CXXC5: variants seen among roughly 807,000 people sequenced by gnomAD.
CXXC5 encodes the protein CXXC finger protein 5, also known as CXXC-type zinc finger protein 5.
Under a neutral mutation model 17.6 loss-of-function variants are expected in CXXC5, and 2 were observed. The observed-to-expected ratio is 0.11, with a 90% CI of 0.05 to 0.36. The LOEUF (loss-of-function observed/expected upper bound fraction) is 0.36. CXXC5 is among the 10% of genes least tolerant of loss of function. The pLI is 1.00. For missense variants in CXXC5, 343 were observed against 458.3 expected (o/e 0.75, Z 2.30); for synonymous variants, 171 against 193.0 (o/e 0.89, Z 0.94).
chr5:139,666,495 G>A (rs1051589429), intron 1 of CXXC5, among the ~76,000 whole-genome samples: 8 of 152,218 alleles, frequency 5.3e-5, no homozygotes, highest in Non-Finnish European at 1.0e-4. Flanking sequence ...CTGCAGGAGC[G>A]TGGGCTTTGG....
intron 1 of CXXC5, among the ~76,000 whole-genome samples, chr5:139,671,964 G>C (rs1390893074): frequency 6.6e-6 from 1 of 152,232 alleles, no homozygotes; most frequent in Non-Finnish European, 1.5e-5. Context: ...ATGTCCCTGA[G>C]CCTCAGTTGC....
rs985774768 is a variant in CXXC5, at chr5:139,661,342, G to A, written c.-161+12497G>A. Among the ~76,000 whole-genome samples, 2 of 152,082 alleles carry A rather than the reference G, an allele frequency of 1.3e-5. No homozygotes were observed. Among genetic ancestry groups the A allele is most frequent in the African/African-American group, 2.4e-5 (1 of 41,410 alleles). Reference sequence around the variant, plus strand: ...GAGTGCACACTCACGCACCCCACACGCGGCACACCCAGGCACACACTTAGG... The same window carrying A: ...GAGTGCACACTCACGCACCCCACACACGGCACACCCAGGCACACACTTAGG... On this transcript the variant is annotated intron_variant, in intron 1 of 2. Transcript: ENST00000302517. This position sits in a 1 kb window ranked among gnomAD's most constrained non-coding sequence, Gnocchi z 4.7.
chr5:139,661,890 TGA>T lies in CXXC5; in HGVS notation c.-161+13049_-161+13050del, dbSNP rs1224538935. ...GGGGAGGAGGTCCAAGTATCAGGCA[TGA>T]GAGTGTTAAACCCACTGCCCTCTAG... is the stretch of plus-strand genomic sequence containing the variant. On this transcript the variant is annotated intron_variant, in intron 1 of 2. Transcript: ENST00000302517. The surrounding 1 kb of genome is among the most constrained non-coding windows in gnomAD (Gnocchi z 4.7). Among the ~76,000 whole-genome samples, 1 of 152,204 alleles carries T rather than the reference TGA, an allele frequency of 6.6e-6. No homozygotes were observed. The highest frequency in any genetic ancestry group is 2.4e-5 in the African/African-American group (1 of 41,444).
At chr5:139,653,584 G>A (rs1755325072) in intron 1 of CXXC5, among the ~76,000 whole-genome samples, 1 of 152,130 alleles carries the variant, frequency 6.6e-6, no homozygotes, top group Non-Finnish European at 1.5e-5. Context: ...ACATGGAGCT[G>A]GAACCCCACA....
chr5:139,654,517 T>C (rs563390442), intron 1 of CXXC5, among the ~76,000 whole-genome samples: 16 of 152,302 alleles, frequency 1.1e-4, no homozygotes, highest in African/African-American at 3.8e-4. Flanking sequence ...CTGTATTCAG[T>C]AAACACTGGC....
In CXXC5 at chr5:139,680,803, G is replaced by A. The variant is rs766754071; in HGVS notation, c.280G>A (p.Gly94Ser). Residue 94 changes from glycine to serine, a missense_variant, in exon 2 of 3, where the codon GGC becomes AGC. Physicochemically the swap from Gly to Ser is moderately conservative, Grantham distance 56. Coordinates refer to ENST00000302517, the MANE Select transcript of CXXC5 (RefSeq NM_016463.9). ...SFGSSGGSGG[G>S]SMMGGESADK... ...TGGCAGCAGTGGTGGTAGTGGCGGT[G>A]GCAGCATGATGGGCGGAGAGTCTGC... The A allele has an allele frequency of 1.2e-6, 2 of 1,612,820 alleles. No individual in the cohort carries two copies. The highest frequency in any genetic ancestry group is 2.2e-5 in the East Asian group (1 of 44,898).
At position 139,676,178 on chromosome 5, in the gene CXXC5, C is replaced by T. The variant is rs1271139372; in HGVS notation, c.-160-4186C>T. 7.5e-5 allele frequency among the ~76,000 whole-genome samples: 9 copies of T among 119,976 alleles called. No homozygotes were observed. The Admixed American group carries it at 7.5e-4, about 10-fold the overall frequency. The allele number at this position is 119,976 out of a possible 152,430, so 78.7% of individuals were successfully genotyped here. Reference sequence around the variant, plus strand: ...CTCCTCCCAAGTCCTCCTCCCCTGTCTTCTCCCCACCTCCCCCCAAGCCCT... The same window carrying T: ...CTCCTCCCAAGTCCTCCTCCCCTGTTTTCTCCCCACCTCCCCCCAAGCCCT... On this transcript the variant is annotated intron_variant, in intron 1 of 2. Transcript: ENST00000302517.
At chr5:139,671,879 C>A (rs1756491861) in intron 1 of CXXC5, among the ~76,000 whole-genome samples, 1 of 152,228 alleles carries the variant, frequency 6.6e-6, no homozygotes, top group Non-Finnish European at 1.5e-5. Context: ...GCACCAGGCC[C>A]TGGAGTCACA....
upstream of CXXC5, among the ~76,000 whole-genome samples, chr5:139,647,714 G>A (rs1754945510): frequency 6.6e-6 from 1 of 152,218 alleles, no homozygotes; most frequent in Admixed American, 6.5e-5. Context: ...TGAGGCTGAT[G>A]CCTGCCTGAG....
chr5:139,664,829 C>T (rs997831669), intron 1 of CXXC5, among the ~76,000 whole-genome samples: 11 of 152,200 alleles, frequency 7.2e-5, no homozygotes, highest in Non-Finnish European at 1.5e-4. Flanking sequence ...CTTGCTTGAC[C>T]TTGACCCACA....
rs769072416 is a variant in CXXC5, at chr5:139,659,183, C to G, written c.-161+10338C>G. Among the ~76,000 whole-genome samples, 41 of 152,134 alleles carry G rather than the reference C, an allele frequency of 2.7e-4. 1 individual carries two copies. The highest frequency in any genetic ancestry group is 1.5e-5 in the Non-Finnish European group (1 of 68,000). ...CTGGATGCTGGGGCTAGTGGCAGAT[C>G]GGCTGGGAGGGGAGGATTCCTCTGC... is the stretch of plus-strand genomic sequence containing the variant. On this transcript the variant is annotated intron_variant, in intron 1 of 2. Coordinates refer to ENST00000302517, the MANE Select transcript of CXXC5 (RefSeq NM_016463.9).
chr5:139,648,097 G>C (rs1363571341), upstream of CXXC5: 2 of 151,268 alleles, frequency 1.3e-5, no homozygotes, highest in Non-Finnish European at 3.0e-5. Flanking sequence ...GCGAAGACGG[G>C]GCGCGCAAGG....
Position 139,669,221 on chromosome 5 carries a change from G to A in CXXC5, c.-160-11143G>A, listed in dbSNP as rs893134287. On this transcript the variant is annotated intron_variant, in intron 1 of 2. Coordinates refer to ENST00000302517, the MANE Select transcript of CXXC5 (RefSeq NM_016463.9). ...GAGCGCCATGGCAGTGTCCCCGCCC[G>A]CTCTAAGCGTGAGCTCACACTCAGC... Among the ~76,000 whole-genome samples the A allele has an allele frequency of 4.6e-5, 7 of 152,324 alleles. No homozygotes were observed. The South Asian group carries it at 6.2e-4, about 14-fold the overall frequency.
At chr5:139,674,684 A>G (rs356451) in intron 1 of CXXC5, among the ~76,000 whole-genome samples, 7,948 of 152,322 alleles carry the variant, frequency 0.052, 264 homozygotes, top group South Asian at 0.13. Flanking sequence ...GCAGAATTTT[A>G]TAGTATGTAA....
chr5:139,656,352 C>T (rs1335108099), intron 1 of CXXC5, among the ~76,000 whole-genome samples: 2 of 152,256 alleles, frequency 1.3e-5, no homozygotes, highest in Admixed American at 6.5e-5. Context: ...GTGGGGGCCT[C>T]AGTGGGCTTG....
chr5:139,661,164 G>A lies in CXXC5; in HGVS notation c.-161+12319G>A, dbSNP rs1347841386. 1.3e-5 allele frequency among the ~76,000 whole-genome samples: 2 copies of A among 152,230 alleles called. No individual in the cohort carries two copies. The highest frequency in any genetic ancestry group is 2.1e-4 in the South Asian group (1 of 4,824). On this transcript the variant is annotated intron_variant, in intron 1 of 2. Coordinates refer to ENST00000302517, the MANE Select transcript of CXXC5 (RefSeq NM_016463.9). The surrounding 1 kb of genome is among the most constrained non-coding windows in gnomAD (Gnocchi z 4.7). The stretch of plus-strand genomic sequence containing the variant: ...TATTTATCAAGCCAGCCTCCCCGCC[G>A]CGGCTGCCCGCGCCGCCCCCCCACC...
intron 1 of CXXC5, among the ~76,000 whole-genome samples, chr5:139,662,931 C>T (rs576235503): frequency 6.6e-6 from 1 of 152,338 alleles, no homozygotes; most frequent in African/African-American, 2.4e-5. Context: ...GTCATCAGTT[C>T]TCATTATGTC....
chr5:139,656,135 C>T (rs986368866), intron 1 of CXXC5, among the ~76,000 whole-genome samples: 3 of 152,260 alleles, frequency 2.0e-5, no homozygotes, highest in African/African-American at 7.2e-5. Flanking sequence ...CCAGTACGGG[C>T]GTAATGTTCG....
intron 2 of CXXC5, 31 bp downstream of exon 2, chr5:139,681,478 C>T: frequency 1.3e-6 from 2 of 1,529,412 alleles, no homozygotes; most frequent in Non-Finnish European, 1.8e-6. Context: ...GGTGTGTGGG[C>T]TCTTGTGTCT....
Sources: gnomAD v4.1 joint callset for allele counts (sites outside exome capture counted in the v4.1 genomes callset) on GRCh38, gnomAD v4.1.1 for gene constraint, Gnocchi (gnomAD v3.1) non-coding constraint, MANE v1.5 for transcripts, NCBI Gene and HGNC (gene_info 2026-07-23, HGNC 2026-07-21) for gene names.